COL5A2: variants seen among roughly 807,000 people sequenced by gnomAD.
COL5A2 encodes collagen type V alpha 2 chain.
In COL5A2, 23 loss-of-function variants were observed where a neutral mutation model predicts 208.2. The ratio of observed to expected loss-of-function variants is 0.11; its 90% CI spans 0.08 to 0.16. The LOEUF is 0.16. Ranked by LOEUF, COL5A2 falls within the 10% of genes least tolerant of loss-of-function variation. COL5A2 has a pLI of 1.00. For synonymous variants in COL5A2, 625 were observed against 628.5 expected, an observed-to-expected ratio of 0.99 and a Z score of 0.08; for missense variants, 1,590 against 1,956.4, an observed-to-expected ratio of 0.81 and a Z score of 3.53.
At chr2:189,413,256 T>C in the COL5A2 span, among the ~76,000 whole-genome samples, 1 of 152,172 alleles carries the variant, frequency 6.6e-6, no homozygotes, top group Non-Finnish European at 1.5e-5. Context: ...GTAGATATAA[T>C]TCCTCTGCCA....
the COL5A2 span, among the ~76,000 whole-genome samples, chr2:189,398,601 C>T: frequency 2.0e-5 from 3 of 152,022 alleles, no homozygotes; most frequent in Admixed American, 6.6e-5. Context: ...CTTCTGGTTG[C>T]TGTTTGCATG....
chr2:189,212,812 A>G (rs1426252578), intron 1 of COL5A2, among the ~76,000 whole-genome samples: 2 of 151,382 alleles, frequency 1.3e-5, no homozygotes, highest in Admixed American at 6.6e-5. Context: ...GAGAATCAGG[A>G]ACTCTCAAAA....
rs998918584 is a variant in COL5A2, at chr2:189,085,271, T to C, written c.745-58A>G. 4 of 1,354,638 alleles carry C rather than the reference T, an allele frequency of 3.0e-6. No homozygotes were observed. The South Asian group carries it at 5.0e-5, about 17-fold the overall frequency. 83.9% of individuals were successfully genotyped at this position (1,354,638 alleles called of 1,614,324 possible). On this transcript the variant is annotated intron_variant, in intron 10 of 53. Transcript: ENST00000374866. Reference sequence around the variant, plus strand: ...AATATTTACCTTTACTTGCCAGTAATACAATTCAAAACATTATTGAGACAA... The same window carrying C: ...AATATTTACCTTTACTTGCCAGTAACACAATTCAAAACATTATTGAGACAA...
Position 189,032,223 on chromosome 2 carries a change from T to C in COL5A2, c.*1847A>G, listed in dbSNP as rs1455643143. ...TATGTGATACACTTTGAGACATATG[T>C]TTTATTATTACAGTTTATTCAGTCA... On this transcript the variant is annotated 3_prime_UTR_variant, in exon 54 of 54. Coordinates refer to ENST00000374866, the MANE Select transcript of COL5A2 (RefSeq NM_000393.5). The C allele has an allele frequency of 6.6e-5, 10 of 152,094 alleles. No homozygotes were observed. In the South Asian group the frequency reaches 1.9e-3, roughly 28 times the overall value. The allele number at this position is 152,094 out of a possible 1,614,324, so 9.4% of individuals were successfully genotyped here.
At chr2:189,419,956 T>TGAGAG in the COL5A2 span, among the ~76,000 whole-genome samples, 41 of 53,842 alleles carry the variant, frequency 7.6e-4, no homozygotes, top group South Asian at 9.7e-4. Context: ...GGAAAAGAGG[T>TGAGAG]GAGAGGAGAG....
rs1440458273 is a variant in COL5A2 at position 189,035,171 on chromosome 2, GTC to G, written c.4114-18_4114-17del. 3 of 1,613,562 alleles carry G rather than the reference GTC, an allele frequency of 1.9e-6. No individual in the cohort carries two copies. Among genetic ancestry groups the G allele is most frequent in the Non-Finnish European group, 2.5e-6 (3 of 1,179,748 alleles). On this transcript the variant is annotated splice_polypyrimidine_tract_variant and intron_variant, in intron 52 of 53. Transcript: ENST00000374866. ...CATAAGCGAACTAGAAAAACAAAGA[GTC>G]TTTGTCATACACAAGACTGAAGGGT...
At position 189,110,480 on chromosome 2, in the gene COL5A2, A is replaced by C. The variant is rs749820805; in HGVS notation, c.98-31T>G. On this transcript the variant is annotated intron_variant, in intron 1 of 53. Transcript: ENST00000374866. ...ATAAGAAAAGAAAGAAGAGGTTAGT[A>C]ATCTGAAATTATAGAATTGAGAAAA... The C allele has an allele frequency of 3.8e-6, 6 of 1,584,734 alleles. 1 individual carries two copies. The South Asian group carries it at 6.6e-5, about 18-fold the overall frequency.
rs2105648733 is a variant in COL5A2, at chr2:189,085,148, A to G, written c.798+12T>C. 6.2e-7 allele frequency: 1 copy of G among 1,610,052 alleles called. No homozygotes were observed. The highest frequency in any genetic ancestry group is 8.5e-7 in the Non-Finnish European group (1 of 1,177,424). ...TCAAAACCTGAATGGAAAATGAGGA[A>G]AGGTAGCTTACATCTTCCCCAGGTT... On this transcript the variant is annotated intron_variant, in intron 11 of 53. Transcript: ENST00000374866.
At chr2:189,242,609 T>C in the COL5A2 span, among the ~76,000 whole-genome samples, 3 of 152,200 alleles carry the variant, frequency 2.0e-5, no homozygotes, top group African/African-American at 7.2e-5. Context: ...TTTGCTTCCT[T>C]CCATTCAAAG....
the COL5A2 span, among the ~76,000 whole-genome samples, chr2:189,375,690 A>T: frequency 7.2e-5 from 11 of 152,240 alleles, no homozygotes; most frequent in Admixed American, 6.5e-5. Flanking sequence ...GATTTTTGCA[A>T]GATAGATCCA....
the COL5A2 span, among the ~76,000 whole-genome samples, chr2:189,406,455 G>T: frequency 6.6e-6 from 1 of 152,060 alleles, no homozygotes; most frequent in African/African-American, 2.4e-5. Flanking sequence ...ATTGTTAACT[G>T]GTTTTAGTGT....
At chr2:189,365,270 G>A in the COL5A2 span, among the ~76,000 whole-genome samples, 3 of 152,096 alleles carry the variant, frequency 2.0e-5, no homozygotes, top group Non-Finnish European at 4.4e-5. Context: ...TTAGTTATTC[G>A]CAGTTGCTTT....
At chr2:189,322,021 A>T in the COL5A2 span, among the ~76,000 whole-genome samples, 3 of 152,162 alleles carry the variant, frequency 2.0e-5, no homozygotes, top group African/African-American at 4.8e-5. Flanking sequence ...GCATTAAGAA[A>T]CTCACTCAAA....
At chr2:189,376,035 C>T in the COL5A2 span, among the ~76,000 whole-genome samples, 2 of 152,192 alleles carry the variant, frequency 1.3e-5, no homozygotes, top group African/African-American at 2.4e-5. Flanking sequence ...AGCTTTTCCA[C>T]AATGTGTGTA....
At chr2:189,139,429 G>A (rs535944870) in intron 1 of COL5A2, among the ~76,000 whole-genome samples, 1 of 152,094 alleles carries the variant, frequency 6.6e-6, no homozygotes, top group African/African-American at 2.4e-5. Flanking sequence ...GAGGGACATG[G>A]TACAAAATAT....
chr2:189,209,688 G>A (rs1689187787), intron 1 of COL5A2, among the ~76,000 whole-genome samples: 1 of 152,200 alleles, frequency 6.6e-6, no homozygotes, highest in South Asian at 2.1e-4. Context: ...TCAACAGAAA[G>A]GATCATGGAG....
chr2:189,115,121 T>C (rs764354245), intron 1 of COL5A2, among the ~76,000 whole-genome samples: 3 of 152,152 alleles, frequency 2.0e-5, no homozygotes, highest in Admixed American at 6.5e-5. Context: ...CCCACAACAA[T>C]TGTGGCACTG....
intron 35 of COL5A2, 104 bp from the exon 36 acceptor site, chr2:189,054,316 T>G (rs1685855226): frequency 1.2e-6 from 1 of 830,118 alleles, no homozygotes; most frequent in East Asian, 2.5e-5. Flanking sequence ...TTGTTATAAT[T>G]TGGCTGCCTT....
chr2:189,321,335 A>G, the COL5A2 span, among the ~76,000 whole-genome samples: 1 of 152,242 alleles, frequency 6.6e-6, no homozygotes, highest in Non-Finnish European at 1.5e-5. Flanking sequence ...GTAAATGTAA[A>G]TGGGCTAAAT....
Sources: allele counts gnomAD v4.1 joint callset (sites outside exome capture counted in the v4.1 genomes callset), GRCh38; gene constraint gnomAD v4.1.1; transcripts MANE v1.5; gene names NCBI Gene and HGNC (gene_info 2026-07-23, HGNC 2026-07-21).